Variants in COG8 observed in about 807,000 individuals in gnomAD.
COG8 encodes conserved oligomeric Golgi complex subunit 8.
COG8 carries 45 observed loss-of-function variants against 46.5 expected under a neutral mutation model. That is an observed-to-expected ratio of 0.97 (90% CI 0.76 to 1.24). The LOEUF (loss-of-function observed/expected upper bound fraction) is 1.24. COG8 is among the 50% of genes most tolerant of loss of function. COG8 has a pLI of 0.00. For synonymous variants in COG8, 407 were observed against 347.8 expected (o/e 1.17, Z -1.90); for missense variants, 793 against 820.8 (o/e 0.97, Z 0.41).
At chr16:69,334,134 A>AG (rs1178884024) in intron 3 of COG8, among the ~76,000 whole-genome samples, 7 of 152,198 alleles carry the variant, frequency 4.6e-5, no homozygotes, top group African/African-American at 1.7e-4. Context: ...ATGAGGCCAT[A>AG]GTCCAGCCAA....
At chr16:69,334,147 C>G (rs889278157) in intron 3 of COG8, among the ~76,000 whole-genome samples, 2 of 152,184 alleles carry the variant, frequency 1.3e-5, no homozygotes, top group Non-Finnish European at 2.9e-5. Context: ...CCAGCCAACA[C>G]CTTGATGGCA....
At chr16:69,339,031 G>T in intron 1 of COG8, 145 bp downstream of exon 1, 1 of 1,098,850 alleles carries the variant, frequency 9.1e-7, no homozygotes, top group Non-Finnish European at 1.3e-6. Flanking sequence ...CTATCTCGAA[G>T]GCTGTTGTGA....
chr16:69,329,031 C>CA lies in COG8; in HGVS notation c.*174dup. On this transcript the variant is annotated 3_prime_UTR_variant, in exon 6 of 6. Transcript: ENST00000306875. ...CCCCAGTAGCAAAGCTTTAGTCATT[C>CA]ACCTTCATCCAATAGACGTTTGTGA... 1 of 1,608,672 alleles carries CA rather than the reference C, an allele frequency of 6.2e-7. No individual in the cohort carries two copies. The highest frequency in any genetic ancestry group is 8.5e-7 in the Non-Finnish European group (1 of 1,178,450).
intron 5 of COG8, 55 bp downstream of exon 5, chr16:69,330,758 C>G: frequency 1.4e-6 from 2 of 1,455,664 alleles, no homozygotes; most frequent in Non-Finnish European, 1.8e-6. Flanking sequence ...GAACCCGCCC[C>G]GGACCTTCCA....
intron 5 of COG8, chr16:69,330,056 C>A: frequency 6.4e-7 from 1 of 1,555,000 alleles, no homozygotes; most frequent in Non-Finnish European, 8.7e-7. Flanking sequence ...GACGCTCTCG[C>A]AGCCCTCGGG....
At position 69,334,735 on chromosome 16, in the gene COG8, A is replaced by G; in HGVS notation, c.1199T>C (p.Ile400Thr). The stretch of plus-strand genomic sequence containing the variant: ...GGTGCCCAGGATGGCTGGAGCCGAG[A>G]TGAGCATGTAGGAGTTCATTTCTTC... ...FQEEMNSYML[I>T]SAPAILGTSN... Residue 400 changes from isoleucine (I) to threonine (T), a missense_variant, in exon 3 of 6, where the codon ATC (isoleucine) becomes ACC (threonine). Ile to Thr is a moderately conservative substitution (Grantham distance 89). Coordinates refer to ENST00000306875, the MANE Select transcript of COG8 (RefSeq NM_032382.5). 1 of 1,614,170 alleles carries G rather than the reference A, an allele frequency of 6.2e-7. No individual in the cohort carries two copies.
chr16:69,336,981 C>T lies in COG8; in HGVS notation c.378-269G>A, dbSNP rs147702949. Among the ~76,000 whole-genome samples, 10 of 152,312 alleles carry T rather than the reference C, an allele frequency of 6.6e-5. No individual in the cohort carries two copies. In the South Asian group the frequency reaches 1.7e-3, roughly 25 times the overall value. ...GGCTGTGGCAAGGTACTTGGCCTCTCTGAACCTATTTCCTCATTAGTAAAA... is the reference window on the plus strand; with the variant it reads ...GGCTGTGGCAAGGTACTTGGCCTCTTTGAACCTATTTCCTCATTAGTAAAA... On this transcript the variant is annotated intron_variant, in intron 1 of 5. Coordinates refer to ENST00000306875, the MANE Select transcript of COG8 (RefSeq NM_032382.5).
Position 69,329,005 on chromosome 16 carries a change from G to A in COG8, c.*201C>T. 3 of 1,599,268 alleles carry A rather than the reference G, an allele frequency of 1.9e-6. No individual in the cohort carries two copies. Among genetic ancestry groups the A allele is most frequent in the South Asian group, 1.1e-5 (1 of 88,922 alleles). On this transcript the variant is annotated 3_prime_UTR_variant, in exon 6 of 6. Coordinates refer to ENST00000306875, the MANE Select transcript of COG8 (RefSeq NM_032382.5). ...TGCGTCTTGGTATCCGGAATCCTCA[G>A]CCCCAGTAGCAAAGCTTTAGTCATT...
At chr16:69,334,449 T>C in intron 3 of COG8, 72 bp downstream of exon 3, 1 of 1,310,300 alleles carries the variant, frequency 7.6e-7, no homozygotes, top group Non-Finnish European at 1.1e-6. Flanking sequence ...ATAGACGGGT[T>C]TATTACAAAA....
intron 2 of COG8, among the ~76,000 whole-genome samples, 186 bp downstream of exon 2, chr16:69,336,319 T>C (rs1366826250): frequency 6.6e-6 from 1 of 152,206 alleles, no homozygotes; most frequent in Non-Finnish European, 1.5e-5. Flanking sequence ...CCCCAGCATA[T>C]AGAGCAGTGC....
rs750410882 is a variant in COG8 at position 69,330,826 on chromosome 16, CAG to C, written c.*11_*12del. ...AACCTCACGCACCGCGTTCTGGAGGCAGGGGACGCCGGCTAGGGCCCCACGCT... is the reference window on the plus strand; with the variant it reads ...AACCTCACGCACCGCGTTCTGGAGGCGGGACGCCGGCTAGGGCCCCACGCT... On this transcript the variant is annotated 3_prime_UTR_variant, in exon 5 of 6. Transcript: ENST00000306875. The C allele has an allele frequency of 6.5e-5, 99 of 1,532,516 alleles. No homozygotes were observed. The African/African-American group carries it at 1.3e-3, about 20-fold the overall frequency. The allele number at this position is 1,532,516 out of a possible 1,614,324, so 94.9% of individuals were successfully genotyped here.
chr16:69,339,017 G>A lies in COG8; in HGVS notation c.377+159C>T, dbSNP rs1395497903. On this transcript the variant is annotated intron_variant, in intron 1 of 5. Coordinates refer to ENST00000306875, the MANE Select transcript of COG8 (RefSeq NM_032382.5). ...CAAAAAAGATAAAAAAGGAATAACA[G>A]TACCTATCTCGAAGGCTGTTGTGAG... 47 of 979,334 alleles carry A rather than the reference G, an allele frequency of 4.8e-5. 2 individuals carry two copies. The South Asian group carries it at 6.2e-4, about 13-fold the overall frequency. The allele number at this position is 979,334 out of a possible 1,614,324, so 60.7% of individuals were successfully genotyped here.
chr16:69,338,589 C>T (rs2012336583), intron 1 of COG8: 1 of 153,314 alleles, frequency 6.5e-6, no homozygotes, highest in South Asian at 2.0e-4. Context: ...CCACAACTGC[C>T]CTTCGAGGGA....
intron 4 of COG8, among the ~76,000 whole-genome samples, chr16:69,331,527 C>CAG (rs112657993): frequency 0.34 from 47,867 of 141,492 alleles, 8,503 homozygotes; most frequent in African/African-American, 0.43. Flanking sequence ...TTTTTTGAGA[C>CAG]AGTCTCGCTC....
chr16:69,335,484 TGTAG>T, intron 2 of COG8, 136 bp from the exon 3 acceptor site: 1 of 791,386 alleles, frequency 1.3e-6, no homozygotes, highest in Non-Finnish European at 2.1e-6. Flanking sequence ...AGCTGATGCC[TGTAG>T]GTTCACCAAC....
intron 5 of COG8, 175 bp downstream of exon 5, chr16:69,330,638 C>T (rs999205445): frequency 2.8e-6 from 4 of 1,404,010 alleles, no homozygotes; most frequent in African/African-American, 1.5e-5. Context: ...CGGGAAGCGC[C>T]GTCGGCCAGC....
chr16:69,334,918 C>A lies in COG8; in HGVS notation c.1016G>T (p.Gly339Val). Reference protein sequence around the residue: ...VLETDLYRGIGGHLDSLLGQC... With the variant: ...VLETDLYRGIVGHLDSLLGQC... ...GCCCAGCAGAGAGTCCAGGTGGCCGCCTATGCCCCGGTAAAGGTCGGTCTC... is the reference window on the plus strand; with the variant it reads ...GCCCAGCAGAGAGTCCAGGTGGCCGACTATGCCCCGGTAAAGGTCGGTCTC... Residue 339 changes from glycine to valine, a missense_variant, in exon 3 of 6, where the codon GGC becomes GTC. Gly to Val is a moderately radical substitution (Grantham distance 109). Transcript: ENST00000306875. 1 of 1,614,168 alleles carries A rather than the reference C, an allele frequency of 6.2e-7. No individual in the cohort carries two copies. The highest frequency in any genetic ancestry group is 8.5e-7 in the Non-Finnish European group (1 of 1,180,042).
intron 2 of COG8, 134 bp from the exon 3 acceptor site, chr16:69,335,482 C>T: frequency 1.3e-6 from 1 of 790,850 alleles, no homozygotes; most frequent in Admixed American, 2.0e-5. Flanking sequence ...AAAGCTGATG[C>T]CTGTAGGTTC....
intron 5 of COG8, chr16:69,330,401 A>G: frequency 5.4e-6 from 8 of 1,479,334 alleles, no homozygotes; most frequent in Non-Finnish European, 7.1e-6. Context: ...GGGAGGACCC[A>G]GCACCAGACG....
Sources: gnomAD v4.1 joint callset for allele counts (sites outside exome capture counted in the v4.1 genomes callset) on GRCh38, gnomAD v4.1.1 for gene constraint, MANE v1.5 for transcripts, NCBI Gene and HGNC (gene_info 2026-07-23, HGNC 2026-07-21) for gene names.